Variants in SMPD4 observed in about 807,000 individuals in gnomAD.
SMPD4 encodes sphingomyelin phosphodiesterase 4.
A neutral mutation model predicts 97.8 loss-of-function variants in SMPD4; 58 were observed. That is an observed-to-expected ratio of 0.59 (90% CI 0.48 to 0.74). The LOEUF (loss-of-function observed/expected upper bound fraction) is 0.74. SMPD4 is among the 30% of genes least tolerant of loss of function. The pLI is 0.00. For missense variants in SMPD4, 853 were observed against 1,080.5 expected, an observed-to-expected ratio of 0.79 and a Z score of 2.95; for synonymous variants, 388 against 450.0, an observed-to-expected ratio of 0.86 and a Z score of 1.74.
In SMPD4 at chr2:130,153,878, C is replaced by T. The variant is rs746018145; in HGVS notation, c.1717G>A (p.Asp573Asn). ...CCAGCCGGGCTCTCCGCACACTGGTCGGAGATGGACTTGGCTGTGTGTTTG... is the reference window on the plus strand; with the variant it reads ...CCAGCCGGGCTCTCCGCACACTGGTTGGAGATGGACTTGGCTGTGTGTTTG... ...QAKHTAKSIS[D>N]QCAESPAGHS... Residue 573 changes from aspartate (D) to asparagine (N), a missense_variant, in exon 17 of 20, where the codon GAC becomes AAC. Asp to Asn is a conservative substitution (Grantham distance 23). Transcript: ENST00000680298. 1.1e-5 allele frequency: 17 copies of T among 1,613,688 alleles called. No individual in the cohort carries two copies. Among genetic ancestry groups the T allele is most frequent in the African/African-American group, 5.3e-5 (4 of 74,916 alleles).
chr2:130,181,225 G>A, intron 1 of SMPD4: 1 of 1,245,158 alleles, frequency 8.0e-7, no homozygotes, highest in East Asian at 3.7e-5. Flanking sequence ...TGAGCCCAAG[G>A]CTCAACTTCA....
intron 12 of SMPD4, among the ~76,000 whole-genome samples, chr2:130,156,992 G>A (rs183897501): frequency 1.1e-4 from 16 of 152,310 alleles, no homozygotes; most frequent in Non-Finnish European, 1.8e-4. Context: ...CTTCTGACAG[G>A]GTTGAAGAAT....
At position 130,152,714 on chromosome 2, in the gene SMPD4, G is replaced by T. The variant is rs529527017; in HGVS notation, c.2325C>A (p.Gly775=). 4.4e-6 allele frequency: 7 copies of T among 1,582,154 alleles called. No individual in the cohort carries two copies. The highest frequency in any genetic ancestry group is 5.1e-6 in the Non-Finnish European group (6 of 1,165,376). The change falls in exon 20 of 20, where the codon GGC becomes GGA. Residue 775 remains glycine (G), a synonymous_variant. Coordinates refer to ENST00000680298, the MANE Select transcript of SMPD4 (RefSeq NM_017951.5). The part of the protein sequence containing the change: ...RGPRLSLRFL[G]SYRTLVSLLL... The stretch of plus-strand genomic sequence containing the variant: ...GCAGCGAGACCAGCGTCCGGTAACT[G>T]CCCAGGAAGCGCAGGCTGAGCCTGG...
chr2:130,155,302 A>C (rs778125010), intron 14 of SMPD4, 43 bp from the exon 15 acceptor site: 3 of 1,611,750 alleles, frequency 1.9e-6, no homozygotes, highest in Admixed American at 1.7e-5. Context: ...TTCCAACTGG[A>C]AGCATGCCCC....
At chr2:130,169,734 T>G (rs911371408) in intron 8 of SMPD4, among the ~76,000 whole-genome samples, 1 of 152,070 alleles carries the variant, frequency 6.6e-6, no homozygotes, top group Non-Finnish European at 1.5e-5. Context: ...TTTTTTTTTG[T>G]AGAAATGAGG....
At chr2:130,165,091 A>G (rs1170023235) in intron 9 of SMPD4, among the ~76,000 whole-genome samples, 2 of 147,766 alleles carry the variant, frequency 1.4e-5, no homozygotes, top group Non-Finnish European at 3.0e-5. Flanking sequence ...GCCTGGCAAC[A>G]AAGACAGACT....
Position 130,155,109 on chromosome 2 carries a change from C to G in SMPD4, c.1440G>C (p.Glu480Asp). 1.2e-6 allele frequency: 2 copies of G among 1,614,192 alleles called. No homozygotes were observed. The highest frequency in any genetic ancestry group is 1.7e-6 in the Non-Finnish European group (2 of 1,180,032). The change falls in exon 15 of 20, where the codon GAG (glutamate) becomes GAC (aspartate). Residue 480 changes from glutamate (E) to aspartate (D), a missense_variant. Coordinates refer to ENST00000680298, the MANE Select transcript of SMPD4 (RefSeq NM_017951.5). ...AKVFAQPNLA[E>D]MIQKGEQLFL... ...CTGAGGACTTACCTTTCTGAATCAT[C>G]TCAGCCAGGTTGGGCTGGGCAAAGA...
Position 130,171,113 on chromosome 2 carries a change from C to T in SMPD4, c.659+1236G>A, listed in dbSNP as rs188949943. On this transcript the variant is annotated intron_variant, in intron 8 of 19. Coordinates refer to ENST00000680298, the MANE Select transcript of SMPD4 (RefSeq NM_017951.5). ...AATAAAATAAATAAATAAACCCAAA[C>T]CATATATATATAATTTCTTTTCTTT... Among the ~76,000 whole-genome samples the T allele has an allele frequency of 5.2e-3, 762 of 146,772 alleles. 7 individuals carry two copies. The highest frequency in any genetic ancestry group is 0.034 in the Middle Eastern group (10 of 290).
chr2:130,176,768 A>G lies in SMPD4; in HGVS notation c.-45-131T>C, dbSNP rs1689015727. The G allele has an allele frequency of 4.5e-6, 3 of 662,694 alleles. No individual in the cohort carries two copies. The East Asian group carries it at 8.6e-5, about 19-fold the overall frequency. 41.1% of individuals were successfully genotyped at this position (662,694 alleles called of 1,614,324 possible). The stretch of plus-strand genomic sequence containing the variant: ...AGCAGCACGATCATAGCTCACTGCA[A>G]CCTCAAACTCCTGGGTTCAAGCAAT... On this transcript the variant is annotated intron_variant, in intron 1 of 19. Transcript: ENST00000680298.
chr2:130,158,344 G>A (rs535370046), intron 11 of SMPD4: 125 of 827,334 alleles, frequency 1.5e-4, no homozygotes, highest in Admixed American at 2.6e-4. Flanking sequence ...TTGAGACAAC[G>A]TCTCCCTCTG....
In SMPD4 at chr2:130,167,540, A is replaced by AG; in HGVS notation, c.709dup (p.Leu237ProfsTer32). 6.2e-7 allele frequency: 1 copy of AG among 1,613,846 alleles called. No homozygotes were observed. Among genetic ancestry groups the AG allele is most frequent in the South Asian group, 1.1e-5 (1 of 91,070 alleles). On this transcript the variant is annotated frameshift_variant, in exon 9 of 20. Coordinates refer to ENST00000680298, the MANE Select transcript of SMPD4 (RefSeq NM_017951.5). LOFTEE classifies it high-confidence loss of function. ...CGTCTGATGAGAGATGTGTCGCTTTAGGAGGCTAGTGTGGTGGAGGCCATA... is the reference window on the plus strand; with the variant it reads ...CGTCTGATGAGAGATGTGTCGCTTTAGGGAGGCTAGTGTGGTGGAGGCCATA...
At chr2:130,155,323 T>G in intron 14 of SMPD4, 64 bp from the exon 15 acceptor site, 10 of 1,594,908 alleles carry the variant, frequency 6.3e-6, no homozygotes, top group Non-Finnish European at 8.6e-6. Flanking sequence ...TAATGCCCGG[T>G]CCGTGCCCCT....
chr2:130,181,109 C>T (rs1014518973), intron 1 of SMPD4, among the ~76,000 whole-genome samples: 1 of 152,212 alleles, frequency 6.6e-6, no homozygotes, highest in Admixed American at 6.5e-5. Flanking sequence ...ACTCTCCTGC[C>T]AATTGGGCTT....
chr2:130,171,799 C>T (rs1688489287), intron 8 of SMPD4, among the ~76,000 whole-genome samples: 1 of 152,196 alleles, frequency 6.6e-6, no homozygotes, highest in Non-Finnish European at 1.5e-5. Context: ...CAGGCAGCTG[C>T]TGCTGGGGCA....
chr2:130,167,857 T>C (rs977608668), intron 8 of SMPD4, among the ~76,000 whole-genome samples: 1 of 152,126 alleles, frequency 6.6e-6, no homozygotes, highest in Non-Finnish European at 1.5e-5. Context: ...AGAACCACCA[T>C]TTAGTAACCG....
intron 11 of SMPD4, among the ~76,000 whole-genome samples, chr2:130,159,920 G>A (rs1687225202): frequency 6.6e-6 from 1 of 152,162 alleles, no homozygotes; most frequent in African/African-American, 2.4e-5. Context: ...GAAGGGTCTG[G>A]AGGGCCCACT....
intron 11 of SMPD4, among the ~76,000 whole-genome samples, chr2:130,158,818 G>T (rs1687100735): frequency 6.6e-6 from 1 of 152,124 alleles, no homozygotes. Context: ...ACACATCTGT[G>T]CTGCTGAGGC....
chr2:130,158,437 C>T (rs1183513203), intron 11 of SMPD4, among the ~76,000 whole-genome samples: 6 of 152,130 alleles, frequency 3.9e-5, no homozygotes, highest in African/African-American at 1.4e-4. Flanking sequence ...CTGACTCAGC[C>T]TCCTGAGTAG....
At chr2:130,172,703 T>C (rs572116354) in intron 6 of SMPD4, 26 bp from the exon 7 acceptor site, 23 of 1,614,022 alleles carry the variant, frequency 1.4e-5, no homozygotes, top group African/African-American at 1.2e-4. Context: ...GGGGCAAACA[T>C]GCAGGGTTGA....
Sources: gnomAD v4.1 joint callset for allele counts (sites outside exome capture counted in the v4.1 genomes callset) on GRCh38, gnomAD v4.1.1 for gene constraint, MANE v1.5 for transcripts, NCBI Gene and HGNC (gene_info 2026-07-23, HGNC 2026-07-21) for gene names.